OTUD7A: variants seen among roughly 807,000 people sequenced by gnomAD.
The protein encoded by OTUD7A is OTU deubiquitinase 7A.
OTUD7A carries 12 observed loss-of-function variants against 65.7 expected under a neutral mutation model. The ratio of observed to expected loss-of-function variants is 0.18; its 90% CI spans 0.12 to 0.30. The LOEUF (loss-of-function observed/expected upper bound fraction) is 0.30, where lower values mean the gene tolerates loss of function less well. Among genes scored for constraint, OTUD7A ranks in the 10% least tolerant of loss-of-function variants. OTUD7A has a pLI of 1.00. For missense variants in OTUD7A, 1,148 were observed against 1,304.8 expected, an observed-to-expected ratio of 0.88 and a Z score of 1.85; for synonymous variants, 641 against 586.3, an observed-to-expected ratio of 1.09 and a Z score of -1.35.
intron 1 of OTUD7A, among the ~76,000 whole-genome samples, chr15:31,748,541 C>G (rs983449556): frequency 3.3e-5 from 5 of 151,716 alleles, no homozygotes; most frequent in African/African-American, 1.2e-4. Context: ...TATATGGGGT[C>G]CTTTGTGTCA....
chr15:31,671,035 T>C (rs1282705151), intron 1 of OTUD7A, among the ~76,000 whole-genome samples: 1 of 152,214 alleles, frequency 6.6e-6, no homozygotes, highest in African/African-American at 2.4e-5. Flanking sequence ...AGGCTGTCTG[T>C]TCACCTGACA....
At chr15:31,870,381 C>A in intron 1 of OTUD7A, 126 bp downstream of exon 1, 1 of 146,902 alleles carries the variant, frequency 6.8e-6, no homozygotes, top group South Asian at 1.9e-4. Context: ...GCCTCAACGC[C>A]CACCTGCCTC....
chr15:31,727,165 C>A (rs1356265658), intron 1 of OTUD7A, among the ~76,000 whole-genome samples: 2 of 152,238 alleles, frequency 1.3e-5, no homozygotes, highest in Non-Finnish European at 2.9e-5. Flanking sequence ...CTTGGCCATG[C>A]ATCCATTCTC....
intron 1 of OTUD7A, among the ~76,000 whole-genome samples, chr15:31,696,981 G>A (rs1893099626): frequency 6.6e-6 from 1 of 151,384 alleles, no homozygotes. Flanking sequence ...TTCCCTGGGG[G>A]AACTATAATT....
At chr15:31,814,075 G>A (rs1262531418) in intron 1 of OTUD7A, among the ~76,000 whole-genome samples, 1 of 152,194 alleles carries the variant, frequency 6.6e-6, no homozygotes, top group Non-Finnish European at 1.5e-5. Flanking sequence ...TAGACCAGCC[G>A]AAACCCTAGT....
intron 1 of OTUD7A, among the ~76,000 whole-genome samples, chr15:31,807,804 C>T (rs1474107382): frequency 6.6e-6 from 1 of 151,986 alleles, no homozygotes; most frequent in Non-Finnish European, 1.5e-5. Context: ...TCCACTCCCC[C>T]AACCCCCCAA....
rs1250389831 is a variant in OTUD7A, at chr15:31,767,892, G to C, written c.-100+102615C>G. 2.7e-6 allele frequency: 4 copies of C among 1,455,594 alleles called. No individual in the cohort carries two copies. In the East Asian group the frequency reaches 9.1e-5, roughly 33 times the overall value. The allele number at this position is 1,455,594 out of a possible 1,614,324, so 90.2% of individuals were successfully genotyped here. A position where few individuals can be genotyped will look rare whatever the true frequency, so the allele number is the denominator to read the frequency against. On this transcript the variant is annotated intron_variant, in intron 1 of 12. Transcript: ENST00000307050. The stretch of plus-strand genomic sequence containing the variant: ...AGAGTTTTAAGTGGCAACGTTGCAG[G>C]AAATCTGAAGAGCTGGTTGTTATCA...
chr15:31,646,830 G>A (rs368983368), intron 3 of OTUD7A, among the ~76,000 whole-genome samples: 33 of 152,122 alleles, frequency 2.2e-4, no homozygotes, highest in South Asian at 8.3e-4. Flanking sequence ...GCCAGTGATG[G>A]TACCTGGGGG....
intron 4 of OTUD7A, 41 bp from the exon 5 acceptor site, chr15:31,559,228 G>A (rs1888602254): frequency 1.9e-6 from 3 of 1,571,630 alleles, no homozygotes; most frequent in South Asian, 1.2e-5. Context: ...GGGCTGAGTG[G>A]GTGTAGGTGT....
At chr15:31,761,753 C>G (rs930755991) in intron 1 of OTUD7A, among the ~76,000 whole-genome samples, 18 of 152,108 alleles carry the variant, frequency 1.2e-4, no homozygotes, top group Non-Finnish European at 2.1e-4. Flanking sequence ...AGTAGAAAAA[C>G]CCAAATATCC....
At chr15:31,624,708 G>A (rs1160271644) in intron 3 of OTUD7A, among the ~76,000 whole-genome samples, 1 of 152,040 alleles carries the variant, frequency 6.6e-6, no homozygotes, top group Non-Finnish European at 1.5e-5. Context: ...CTAAGGCTTG[G>A]CAAGTTAAAC....
chr15:31,837,934 T>C (rs907119527), intron 1 of OTUD7A, among the ~76,000 whole-genome samples: 1 of 152,212 alleles, frequency 6.6e-6, no homozygotes, highest in Admixed American at 6.5e-5. Flanking sequence ...AACAGACACA[T>C]AGATCAATGG....
At chr15:31,586,429 G>A (rs756364994) in intron 3 of OTUD7A, among the ~76,000 whole-genome samples, 1 of 152,156 alleles carries the variant, frequency 6.6e-6, no homozygotes, top group Non-Finnish European at 1.5e-5. Context: ...AGCCCCCCAG[G>A]GCTGTGGGTA....
At chr15:31,625,767 T>C (rs12898981) in intron 3 of OTUD7A, among the ~76,000 whole-genome samples, 48,483 of 151,728 alleles carry the variant, frequency 0.32, 9,938 homozygotes, top group African/African-American at 0.58. Flanking sequence ...AGATACCCAT[T>C]AAATAGTGAT....
chr15:31,483,624 C>G lies in OTUD7A; in HGVS notation c.2472G>C (p.Leu824=). 1.7e-6 allele frequency: 2 copies of G among 1,190,588 alleles called. No homozygotes were observed. The highest frequency in any genetic ancestry group is 2.1e-6 in the Non-Finnish European group (2 of 964,112). The allele number at this position is 1,190,588 out of a possible 1,614,324, so 73.8% of individuals were successfully genotyped here. A position where few individuals can be genotyped will look rare whatever the true frequency, so the allele number is the denominator to read the frequency against. ...GCGACTCGACCGTGTTGACGGTGCG[C>G]AGGGCGGCGGCGCGCGCCGGGCTGT... ...QSYSPARAAA[L]RTVNTVESLA... Residue 824 remains leucine, a synonymous_variant, in exon 13 of 13, where the codon CTG becomes CTC. Coordinates refer to ENST00000307050, the MANE Select transcript of OTUD7A (RefSeq NM_001382637.1).
At chr15:31,581,529 C>A (rs1889370693) in intron 3 of OTUD7A, among the ~76,000 whole-genome samples, 1 of 152,262 alleles carries the variant, frequency 6.6e-6, no homozygotes, top group South Asian at 2.1e-4. Context: ...TTCCATACAT[C>A]CTCTGAAATC....
chr15:31,499,249 C>T (rs2041429117), intron 10 of OTUD7A, among the ~76,000 whole-genome samples: 1 of 152,218 alleles, frequency 6.6e-6, no homozygotes, highest in South Asian at 2.1e-4. Flanking sequence ...GGTGTCTGCT[C>T]TTCCTGGGGC....
chr15:31,723,226 A>G (rs1893790770), intron 1 of OTUD7A, among the ~76,000 whole-genome samples: 1 of 152,194 alleles, frequency 6.6e-6, no homozygotes, highest in Non-Finnish European at 1.5e-5. Context: ...GGAGGCCCGG[A>G]GGCCTGCCAG....
intron 3 of OTUD7A, among the ~76,000 whole-genome samples, chr15:31,648,096 T>G (rs750877644): frequency 6.6e-6 from 1 of 152,138 alleles, no homozygotes; most frequent in African/African-American, 2.4e-5. Context: ...TTACCTGACT[T>G]GAATTTGTTT....
Sources: gnomAD v4.1 joint callset for allele counts (sites outside exome capture counted in the v4.1 genomes callset) on GRCh38, gnomAD v4.1.1 for gene constraint, MANE v1.5 for transcripts, NCBI Gene and HGNC (gene_info 2026-07-23, HGNC 2026-07-21) for gene names.